PDE11A: variants seen among roughly 807,000 people sequenced by gnomAD.
The protein encoded by PDE11A is dual 3',5'-cyclic-AMP and -GMP phosphodiesterase 11A.
PDE11A carries 100 observed loss-of-function variants against 100.5 expected under a neutral mutation model. The observed-to-expected ratio is 1.00, with a 90% CI of 0.85 to 1.18. The LOEUF (loss-of-function observed/expected upper bound fraction) is 1.18, where lower values mean the gene tolerates loss of function less well. Ranked by LOEUF, PDE11A falls within the 50% of genes most tolerant of loss-of-function variation. PDE11A has a pLI of 0.00. For synonymous variants in PDE11A, 381 were observed against 420.8 expected (o/e 0.91, Z 1.16); for missense variants, 1,141 against 1,152.6 (o/e 0.99, Z 0.15).
At chr2:177,762,569 T>C (rs2082184133) in intron 10 of PDE11A, among the ~76,000 whole-genome samples, 1 of 152,088 alleles carries the variant, frequency 6.6e-6, no homozygotes, top group Admixed American at 6.6e-5. Context: ...TTCCTAGCGC[T>C]CTGAAACAAA....
chr2:177,694,553 G>A (rs762111491), intron 15 of PDE11A, among the ~76,000 whole-genome samples: 3 of 152,118 alleles, frequency 2.0e-5, no homozygotes, highest in Non-Finnish European at 4.4e-5. Context: ...CATAGGTACT[G>A]TTATCTCCAT....
intron 2 of PDE11A, chr2:177,998,000 A>G: frequency 8.2e-7 from 1 of 1,218,046 alleles, no homozygotes; most frequent in Non-Finnish European, 1.2e-6. Flanking sequence ...TATGTCACAG[A>G]CCTTGTGGAA....
chr2:177,966,433 G>T (rs1437040854), intron 2 of PDE11A, among the ~76,000 whole-genome samples: 1 of 152,090 alleles, frequency 6.6e-6, no homozygotes, highest in Non-Finnish European at 1.5e-5. Context: ...GTTCTCAAGG[G>T]GAATACTTCC....
At chr2:178,044,897 T>C (rs2086730522) in intron 1 of PDE11A, among the ~76,000 whole-genome samples, 2 of 152,152 alleles carry the variant, frequency 1.3e-5, no homozygotes, top group Admixed American at 1.3e-4. Context: ...TTATTTTTGA[T>C]TGCTTCAGTA....
At chr2:177,717,527 G>A (rs1268370785) in intron 12 of PDE11A, among the ~76,000 whole-genome samples, 2 of 152,018 alleles carry the variant, frequency 1.3e-5, no homozygotes, top group Non-Finnish European at 2.9e-5. Context: ...ATCATTATGG[G>A]TTTTATTGAG....
At chr2:177,838,561 C>T (rs1174145134) in intron 6 of PDE11A, among the ~76,000 whole-genome samples, 1 of 152,090 alleles carries the variant, frequency 6.6e-6, no homozygotes, top group Non-Finnish European at 1.5e-5. Flanking sequence ...TTCCTGCTGA[C>T]AGGGGGCACT....
At position 178,046,077 on chromosome 2, in the gene PDE11A, T is replaced by C. The variant is rs553917478; in HGVS notation, c.912+25449A>G. ...CCTATTCAAGTCTAGCTTCCTCACATGTAAAATGTAGGAAGTAACGGTGTC... is the reference window on the plus strand; with the variant it reads ...CCTATTCAAGTCTAGCTTCCTCACACGTAAAATGTAGGAAGTAACGGTGTC... On this transcript the variant is annotated intron_variant, in intron 1 of 19. Transcript: ENST00000286063. Among the ~76,000 whole-genome samples the C allele has an allele frequency of 7.9e-5, 12 of 152,336 alleles. No individual in the cohort carries two copies. In the East Asian group the frequency reaches 9.6e-4, roughly 12 times the overall value.
At chr2:177,679,834 G>A (rs1248925410) in intron 16 of PDE11A, among the ~76,000 whole-genome samples, 2 of 152,068 alleles carry the variant, frequency 1.3e-5, no homozygotes, top group Non-Finnish European at 2.9e-5. Context: ...GTTGGGGTAA[G>A]GGGCGAGGAG....
chr2:177,924,675 T>C (rs1317610074), intron 2 of PDE11A, among the ~76,000 whole-genome samples: 1 of 152,102 alleles, frequency 6.6e-6, no homozygotes, highest in Non-Finnish European at 1.5e-5. Context: ...CACACAAATA[T>C]ATATCTTTAT....
chr2:177,738,605 G>C (rs574768125), intron 10 of PDE11A, among the ~76,000 whole-genome samples: 1 of 152,124 alleles, frequency 6.6e-6, no homozygotes, highest in Non-Finnish European at 1.5e-5. Flanking sequence ...TCACATGCTC[G>C]GTTGAATCTT....
chr2:177,864,820 C>A (rs887526628), intron 5 of PDE11A, among the ~76,000 whole-genome samples: 1 of 152,130 alleles, frequency 6.6e-6, no homozygotes, highest in East Asian at 1.9e-4. Flanking sequence ...GTTTTGTACA[C>A]ACGAGGGATG....
chr2:177,809,337 G>A (rs537196378), intron 9 of PDE11A, among the ~76,000 whole-genome samples: 5 of 152,068 alleles, frequency 3.3e-5, no homozygotes, highest in Non-Finnish European at 4.4e-5. Context: ...TCACCAAGAG[G>A]ACTGCCTAGA....
intron 8 of PDE11A, among the ~76,000 whole-genome samples, 196 bp downstream of exon 8, chr2:177,817,662 A>G (rs557813599): frequency 1.2e-4 from 18 of 152,302 alleles, no homozygotes; most frequent in Admixed American, 5.9e-4. Flanking sequence ...GGATGGTTAC[A>G]AAATAATCCA....
chr2:177,757,205 C>A (rs2082102096), intron 10 of PDE11A, among the ~76,000 whole-genome samples: 1 of 152,176 alleles, frequency 6.6e-6, no homozygotes, highest in Non-Finnish European at 1.5e-5. Context: ...ACTGGCCTGG[C>A]AGCTGGTAAA....
intron 19 of PDE11A, among the ~76,000 whole-genome samples, chr2:177,653,718 G>A (rs1242491631): frequency 6.6e-6 from 1 of 152,214 alleles, no homozygotes; most frequent in Non-Finnish European, 1.5e-5. Context: ...GCATGGAACG[G>A]ACTCTCCCTC....
chr2:178,032,397 T>C (rs1017084137), intron 1 of PDE11A, among the ~76,000 whole-genome samples: 1 of 151,804 alleles, frequency 6.6e-6, no homozygotes, highest in African/African-American at 2.4e-5. Context: ...GGCAGGAGAA[T>C]TGCTTGAACC....
At chr2:177,867,121 G>A (rs533657570) in intron 5 of PDE11A, among the ~76,000 whole-genome samples, 8 of 152,170 alleles carry the variant, frequency 5.3e-5, no homozygotes, top group Non-Finnish European at 1.0e-4. Flanking sequence ...ACACTACCTA[G>A]GTTTGGATAT....
chr2:178,072,605 C>A lies in PDE11A; in HGVS notation c.-168G>T. The A allele has an allele frequency of 6.6e-7, 1 of 1,507,064 alleles. No homozygotes were observed. The highest frequency in any genetic ancestry group is 1.3e-5 in the South Asian group (1 of 77,686). The allele number at this position is 1,507,064 out of a possible 1,614,324, so 93.4% of individuals were successfully genotyped here. On this transcript the variant is annotated 5_prime_UTR_variant, in exon 1 of 20. Transcript: ENST00000286063. ...GGAATCTGGGAGATGCCCCTTCCTT[C>A]TCTGGCTCAGAGTGGCTGGCGCCGA...
At chr2:177,629,719 T>C (rs1323223393) in intron 19 of PDE11A, among the ~76,000 whole-genome samples, 157 bp from the exon 20 acceptor site, 2 of 152,160 alleles carry the variant, frequency 1.3e-5, no homozygotes, top group African/African-American at 4.8e-5. Context: ...AAGAAGTAAA[T>C]ATGCATTTAA....
Sources: gnomAD v4.1 joint callset for allele counts (sites outside exome capture counted in the v4.1 genomes callset) on GRCh38, gnomAD v4.1.1 for gene constraint, MANE v1.5 for transcripts, NCBI Gene and HGNC (gene_info 2026-07-23, HGNC 2026-07-21) for gene names.